C2CD2: variants seen among roughly 807,000 people sequenced by gnomAD.
The protein encoded by C2CD2 is C2 domain-containing protein 2.
C2CD2 carries 43 observed loss-of-function variants against 74.3 expected under a neutral mutation model. That is an observed-to-expected ratio of 0.58 (90% CI 0.45 to 0.75). C2CD2 has a LOEUF of 0.75. C2CD2 is among the 30% of genes least tolerant of loss of function. C2CD2 has a pLI of 0.00. For synonymous variants in C2CD2, 422 were observed against 390.7 expected, an observed-to-expected ratio of 1.08 and a Z score of -0.94; for missense variants, 801 against 916.3, an observed-to-expected ratio of 0.87 and a Z score of 1.63.
chr21:41,909,659 A>G, intron 7 of C2CD2, 136 bp from the exon 8 acceptor site: 1 of 692,754 alleles, frequency 1.4e-6, no homozygotes, highest in Non-Finnish European at 2.6e-6. Flanking sequence ...CATATAAGCA[A>G]AAAAAGGGAA....
rs1342017477 is a variant in C2CD2, at chr21:41,924,875, C to G, written c.379-2790G>C. Among the ~76,000 whole-genome samples, 2 of 152,106 alleles carry G rather than the reference C, an allele frequency of 1.3e-5. No homozygotes were observed. The highest frequency in any genetic ancestry group is 2.9e-5 in the Non-Finnish European group (2 of 68,036). On this transcript the variant is annotated intron_variant, in intron 2 of 13. Coordinates refer to ENST00000380486, the MANE Select transcript of C2CD2 (RefSeq NM_015500.2). The surrounding 1 kb of genome is among the most constrained non-coding windows in gnomAD (Gnocchi z 4.4). ...GTATCCAGTTCTGCAGAAAGCTTCC[C>G]ACCACGCACTCCCTGATACACAGAG... is the stretch of plus-strand genomic sequence containing the variant.
Position 41,895,783 on chromosome 21 carries a change from C to T in C2CD2, c.1870+3270G>A, listed in dbSNP as rs962721236. Among the ~76,000 whole-genome samples, 4 of 151,876 alleles carry T rather than the reference C, an allele frequency of 2.6e-5. No homozygotes were observed. Among genetic ancestry groups the T allele is most frequent in the South Asian group, 2.1e-4 (1 of 4,808 alleles). On this transcript the variant is annotated intron_variant, in intron 13 of 13. Transcript: ENST00000380486. The surrounding 1 kb of genome is among the most constrained non-coding windows in gnomAD (Gnocchi z 5.0). ...TACAGAGTCTAACAGACATAAATAG[C>T]GAATTGAAGGTTCTGTCTTAAAACC...
intron 2 of C2CD2, among the ~76,000 whole-genome samples, chr21:41,935,929 C>T (rs146992097): frequency 7.9e-4 from 120 of 151,996 alleles, no homozygotes; most frequent in African/African-American, 2.7e-3. Flanking sequence ...TTATCTCACA[C>T]ATATATAAAA....
At chr21:41,902,483 A>G (rs1346481024) in intron 11 of C2CD2, among the ~76,000 whole-genome samples, 4 of 152,280 alleles carry the variant, frequency 2.6e-5, no homozygotes, top group Non-Finnish European at 5.9e-5. Flanking sequence ...CCATTTGACC[A>G]TTGAGGAGTA....
intron 13 of C2CD2, chr21:41,894,855 A>C (rs1465361583): frequency 2.2e-6 from 1 of 456,734 alleles, no homozygotes; most frequent in Non-Finnish European, 4.4e-6. Flanking sequence ...TAGCCGCCCC[A>C]TGGTGGTTGT....
In C2CD2 at chr21:41,926,398, C is replaced by A. The variant is rs998614104; in HGVS notation, c.379-4313G>T. On this transcript the variant is annotated intron_variant, in intron 2 of 13. Coordinates refer to ENST00000380486, the MANE Select transcript of C2CD2 (RefSeq NM_015500.2). This position sits in a 1 kb window ranked among gnomAD's most constrained non-coding sequence, Gnocchi z 8.0. ...TCCACATGGAAAGGCCAAGGGGGGA[C>A]TCACGGTTGGCAGGTGAGGGTTTGG... The A allele has an allele frequency of 3.1e-6, 3 of 982,090 alleles. No individual in the cohort carries two copies. Among genetic ancestry groups the A allele is most frequent in the African/African-American group, 3.5e-5 (2 of 57,094 alleles). The allele number at this position is 982,090 out of a possible 1,614,324, so 60.8% of individuals were successfully genotyped here.
At chr21:41,928,498 T>TAG (rs2065234584) in intron 2 of C2CD2, among the ~76,000 whole-genome samples, 1 of 130,826 alleles carries the variant, frequency 7.6e-6, no homozygotes, top group African/African-American at 3.0e-5. Flanking sequence ...TAGCATAAAT[T>TAG]CCAGGTTAAT....
rs1200718628 is a variant in C2CD2 at position 41,930,254 on chromosome 21, C to G, written c.379-8169G>C. 1.3e-5 allele frequency among the ~76,000 whole-genome samples: 2 copies of G among 149,920 alleles called. 1 individual carries two copies. The highest frequency in any genetic ancestry group is 3.0e-5 in the Non-Finnish European group (2 of 66,900). On this transcript the variant is annotated intron_variant, in intron 2 of 13. Transcript: ENST00000380486. ...CTGAGCACATGGTTAGGTAAGCTTTCCCGGTAGGCAGTTTCTGGTGAAAGG... is the reference window on the plus strand; with the variant it reads ...CTGAGCACATGGTTAGGTAAGCTTTGCCGGTAGGCAGTTTCTGGTGAAAGG...
At position 41,899,027 on chromosome 21, in the gene C2CD2, G is replaced by A. The variant is rs574518441; in HGVS notation, c.1870+26C>T. 51 of 1,591,396 alleles carry A rather than the reference G, an allele frequency of 3.2e-5. No homozygotes were observed. Among genetic ancestry groups the A allele is most frequent in the South Asian group, 4.4e-5 (4 of 90,452 alleles). On this transcript the variant is annotated intron_variant, in intron 13 of 13. Transcript: ENST00000380486. This position sits in a 1 kb window ranked among gnomAD's most constrained non-coding sequence, Gnocchi z 4.4. ...CGCAAAGCCACCAAGTGGGGGGCCC[G>A]GGATGGGGGGCTCGGGAGCAGGTAC... is the stretch of plus-strand genomic sequence containing the variant.
At position 41,907,078 on chromosome 21, in the gene C2CD2, A is replaced by G; in HGVS notation, c.1232T>C (p.Met411Thr). 6.2e-7 allele frequency: 1 copy of G among 1,613,912 alleles called. No homozygotes were observed. The highest frequency in any genetic ancestry group is 8.5e-7 in the Non-Finnish European group (1 of 1,179,778). ...AGTAGTGACCACAGTCCCACAGGGC[A>G]TCACCGTGCGGTCCTTTTCTATTTT... is the stretch of plus-strand genomic sequence containing the variant. ...AAKIEKDRTVMPCGTVVTTVT... is the reference protein window; with the variant it reads ...AAKIEKDRTVTPCGTVVTTVT... The change falls in exon 10 of 14, where the codon ATG becomes ACG. Residue 411 changes from methionine to threonine, a missense_variant. By Grantham distance (81) the Met-to-Thr change is moderately conservative (BLOSUM62 -1). Transcript: ENST00000380486.
In C2CD2 at chr21:41,926,361, T is replaced by C; in HGVS notation, c.379-4276A>G. 6.8e-6 allele frequency: 6 copies of C among 886,694 alleles called. No individual in the cohort carries two copies. The highest frequency in any genetic ancestry group is 8.1e-6 in the Non-Finnish European group (6 of 739,810). 54.9% of individuals were successfully genotyped at this position (886,694 alleles called of 1,614,324 possible). A position where few individuals can be genotyped will look rare whatever the true frequency, so the allele number is the denominator to read the frequency against. ...TTTCGGAGTGGGGGGCTATTCACGG[T>C]AAGTCAGGGTCTCCACATGGAAAGG... On this transcript the variant is annotated intron_variant, in intron 2 of 13. Transcript: ENST00000380486. This position sits in a 1 kb window ranked among gnomAD's most constrained non-coding sequence, Gnocchi z 8.0.
chr21:41,899,025 CCGGGATGGGGGGCT>C lies in C2CD2; in HGVS notation c.1870+14_1870+27del. Reference sequence around the variant, plus strand: ...AGCGCAAAGCCACCAAGTGGGGGGCCCGGGATGGGGGGCTCGGGAGCAGGTACCTTTATGCTTTT... The same window carrying C: ...AGCGCAAAGCCACCAAGTGGGGGGCCCGGGAGCAGGTACCTTTATGCTTTT... On this transcript the variant is annotated intron_variant, in intron 13 of 13. Transcript: ENST00000380486. The surrounding 1 kb of genome is among the most constrained non-coding windows in gnomAD (Gnocchi z 4.4). 1 of 1,587,926 alleles carries C rather than the reference CCGGGATGGGGGGCT, an allele frequency of 6.3e-7. No individual in the cohort carries two copies. The highest frequency in any genetic ancestry group is 8.6e-7 in the Non-Finnish European group (1 of 1,162,608).
intron 12 of C2CD2, among the ~76,000 whole-genome samples, chr21:41,900,541 C>T (rs561995324): frequency 6.6e-6 from 1 of 152,306 alleles, no homozygotes; most frequent in East Asian, 1.9e-4. Flanking sequence ...TGGAGGGGCT[C>T]AGGAAGCCCC....
chr21:41,907,722 T>C lies in C2CD2; in HGVS notation c.1081A>G (p.Ser361Gly). The C allele has an allele frequency of 6.2e-7, 1 of 1,613,416 alleles. No homozygotes were observed. The highest frequency in any genetic ancestry group is 2.2e-5 in the East Asian group (1 of 44,868). ...LFKKQPSGPQ[S>G]FTLTSGSACG... The stretch of plus-strand genomic sequence containing the variant: ...GCAGACCCGCTGGTCAGCGTGAAGC[T>C]CTGTGGCCCAGAAGGCTGCTTCTTA... The change falls in exon 9 of 14, where the codon AGC (serine) becomes GGC (glycine). Residue 361 changes from serine to glycine, a missense_variant. By Grantham distance (56) the Ser-to-Gly change is moderately conservative. Transcript: ENST00000380486.
At chr21:41,953,309 T>TCGGCCCGGACCGCC (rs2065465409) in intron 1 of C2CD2, 61 bp downstream of exon 1, 21 of 1,214,230 alleles carry the variant, frequency 1.7e-5, no homozygotes, top group Non-Finnish European at 2.3e-5. Context: ...AGGAAAGACC[T>TCGGCCCGGACCGCC]CGGCCCGGAC....
chr21:41,915,317 C>T (rs545162062), intron 5 of C2CD2, among the ~76,000 whole-genome samples: 1 of 152,314 alleles, frequency 6.6e-6, no homozygotes, highest in Admixed American at 6.5e-5. Flanking sequence ...ATAGACACCA[C>T]ATCACATCCT....
At chr21:41,889,688 C>T (rs1018010012) in intron 13 of C2CD2, among the ~76,000 whole-genome samples, 9 of 151,184 alleles carry the variant, frequency 6.0e-5, no homozygotes, top group African/African-American at 2.2e-4. Context: ...GGCTGGACTG[C>T]AGTGGCGCGA....
intron 2 of C2CD2, among the ~76,000 whole-genome samples, chr21:41,927,165 T>C (rs1569076183): frequency 6.6e-6 from 1 of 152,222 alleles, no homozygotes; most frequent in Non-Finnish European, 1.5e-5. Context: ...TAAAGATGTA[T>C]TTTTATTTAT....
rs530240686 is a variant in C2CD2, at chr21:41,899,130, A to G, written c.1793T>C (p.Leu598Pro). The G allele has an allele frequency of 4.3e-6, 7 of 1,613,900 alleles. No individual in the cohort carries two copies. In the East Asian group the frequency reaches 1.3e-4, roughly 31 times the overall value. The change falls in exon 13 of 14, where the codon CTG becomes CCG. Residue 598 changes from leucine to proline, a missense_variant. Physicochemically the swap from Leu to Pro is moderately conservative, Grantham distance 98. Coordinates refer to ENST00000380486, the MANE Select transcript of C2CD2 (RefSeq NM_015500.2). The surrounding 1 kb of genome is among the most constrained non-coding windows in gnomAD (Gnocchi z 4.4). ...CAGCTCATCACCGTCGGGGTCCAGC[A>G]GGACCTGGCTGCTCCATGCCGCGGC... ...PQAAAWSSQV[L>P]LDPDGDELSE...
Sources: allele counts gnomAD v4.1 joint callset (sites outside exome capture counted in the v4.1 genomes callset), GRCh38; gene constraint gnomAD v4.1.1; non-coding constraint Gnocchi (gnomAD v3.1); transcripts MANE v1.5; gene names NCBI Gene and HGNC (gene_info 2026-07-23, HGNC 2026-07-21).